DLGAP2: variants seen among roughly 807,000 people sequenced by gnomAD.
DLGAP2 encodes DLG associated protein 2.
DLGAP2 carries 26 observed loss-of-function variants against 100.3 expected under a neutral mutation model. That is an observed-to-expected ratio of 0.26 (90% CI 0.19 to 0.36). DLGAP2 has a LOEUF of 0.36. DLGAP2 is among the 10% of genes least tolerant of loss of function. DLGAP2 has a pLI of 1.00. For missense variants in DLGAP2, 1,858 were observed against 1,453.2 expected (o/e 1.28, Z -4.53); for synonymous variants, 886 against 630.1 (o/e 1.41, Z -6.08).
intron 8 of DLGAP2, among the ~76,000 whole-genome samples, chr8:1,667,508 C>T (rs1425787239): frequency 6.6e-6 from 1 of 152,142 alleles, no homozygotes; most frequent in Non-Finnish European, 1.5e-5. Context: ...CCTATGGAGC[C>T]TGTACTTATA....
intron 6 of DLGAP2, among the ~76,000 whole-genome samples, chr8:1,589,001 G>A (rs990160842): frequency 6.6e-6 from 1 of 152,114 alleles, no homozygotes; most frequent in Non-Finnish European, 1.5e-5. Context: ...TTCACATTCA[G>A]GTATTTGAGC....
chr8:1,167,456 G>C (rs1000060289), intron 2 of DLGAP2, among the ~76,000 whole-genome samples: 2 of 152,156 alleles, frequency 1.3e-5, no homozygotes, highest in Non-Finnish European at 2.9e-5. Flanking sequence ...CAGAGTTTCA[G>C]GGTTTTATGC....
chr8:988,403 C>CT (rs1800549127), intron 2 of DLGAP2, among the ~76,000 whole-genome samples: 1 of 152,190 alleles, frequency 6.6e-6, no homozygotes, highest in African/African-American at 2.4e-5. Context: ...AACACTCAGC[C>CT]TTAAATTCTC....
chr8:1,572,672 G>A (rs1462758457), intron 6 of DLGAP2, among the ~76,000 whole-genome samples: 2 of 120,320 alleles, frequency 1.7e-5, no homozygotes, highest in Non-Finnish European at 3.5e-5. Context: ...GCATCTTCTG[G>A]GATGGAGAGG....
At chr8:948,252 G>T (rs1000267361) in intron 2 of DLGAP2, among the ~76,000 whole-genome samples, 11 of 152,232 alleles carry the variant, frequency 7.2e-5, no homozygotes, top group Non-Finnish European at 1.6e-4. Context: ...CTACGGCCCT[G>T]TGTGGAGGAC....
chr8:1,633,603 G>A (rs1191093706), intron 8 of DLGAP2, among the ~76,000 whole-genome samples: 4 of 152,224 alleles, frequency 2.6e-5, no homozygotes, highest in African/African-American at 7.2e-5. Flanking sequence ...AAAATTTACC[G>A]CCCAACCTAA....
intron 3 of DLGAP2, among the ~76,000 whole-genome samples, chr8:1,294,224 C>G (rs1388848339): frequency 1.3e-5 from 2 of 152,192 alleles, no homozygotes; most frequent in Admixed American, 6.5e-5. Context: ...GCCAGTCATT[C>G]AGGTTACAGG....
intron 3 of DLGAP2, among the ~76,000 whole-genome samples, chr8:1,495,389 C>T (rs1396697408): frequency 6.6e-6 from 1 of 152,240 alleles, no homozygotes; most frequent in Non-Finnish European, 1.5e-5. Flanking sequence ...CCCGGCCACA[C>T]ACCCCAGGGC....
At chr8:1,576,427 G>A (rs866123908) in intron 6 of DLGAP2, among the ~76,000 whole-genome samples, 86 of 152,016 alleles carry the variant, frequency 5.7e-4, no homozygotes, top group Non-Finnish European at 1.1e-3. Context: ...TTGCCTGTTC[G>A]CTCTGATAGT....
chr8:1,086,565 A>AT (rs1162123289), intron 2 of DLGAP2, among the ~76,000 whole-genome samples: 1 of 152,218 alleles, frequency 6.6e-6, no homozygotes, highest in Non-Finnish European at 1.5e-5. Context: ...AGAGTGATGG[A>AT]AAAAGATATT....
chr8:1,630,009 A>G (rs2130776119), intron 7 of DLGAP2, among the ~76,000 whole-genome samples: 1 of 152,342 alleles, frequency 6.6e-6, no homozygotes, highest in East Asian at 1.9e-4. Flanking sequence ...TCATCATTGG[A>G]AACAATGGTT....
intron 4 of DLGAP2, among the ~76,000 whole-genome samples, chr8:1,545,611 C>A (rs1563212166): frequency 6.6e-6 from 1 of 152,192 alleles, no homozygotes; most frequent in African/African-American, 2.4e-5. Context: ...CCTAAAAAAC[C>A]CGGAGACCTA....
intron 8 of DLGAP2, among the ~76,000 whole-genome samples, chr8:1,653,593 G>A (rs574088662): frequency 3.3e-5 from 5 of 152,342 alleles, no homozygotes; most frequent in East Asian, 3.9e-4. Context: ...TGATGGGTCC[G>A]TCTCTCAGAT....
chr8:938,708 G>T (rs535515871), intron 2 of DLGAP2, among the ~76,000 whole-genome samples: 2 of 152,326 alleles, frequency 1.3e-5, no homozygotes, highest in South Asian at 2.1e-4. Context: ...CTCAGCTTGT[G>T]GGGGGCTGTG....
At chr8:1,194,113 G>A (rs1325520606) in intron 2 of DLGAP2, among the ~76,000 whole-genome samples, 1 of 152,014 alleles carries the variant, frequency 6.6e-6, no homozygotes, top group African/African-American at 2.4e-5. Flanking sequence ...TTGACGCTGT[G>A]GAAAATTAGA....
At chr8:1,003,278 C>T (rs926998936) in intron 2 of DLGAP2, 11 of 152,254 alleles carry the variant, frequency 7.2e-5, no homozygotes, top group Non-Finnish European at 1.5e-4. Flanking sequence ...TCCTGCATCC[C>T]ATCCCCCGCT....
chr8:969,169 G>C (rs752952386), intron 2 of DLGAP2, among the ~76,000 whole-genome samples: 2 of 152,150 alleles, frequency 1.3e-5, no homozygotes, highest in African/African-American at 2.4e-5. Flanking sequence ...TCCCCTCAAA[G>C]ACCTGACTAG....
intron 9 of DLGAP2, among the ~76,000 whole-genome samples, chr8:1,669,062 A>G (rs1160047281): frequency 2.6e-5 from 4 of 152,216 alleles, no homozygotes; most frequent in Non-Finnish European, 4.4e-5. Context: ...ATTTTTCAAA[A>G]GCTTTTCGGT....
chr8:1,423,364 C>T (rs967869678), intron 3 of DLGAP2, among the ~76,000 whole-genome samples: 4 of 152,156 alleles, frequency 2.6e-5, no homozygotes, highest in Non-Finnish European at 5.9e-5. Context: ...AGGACCACCC[C>T]AGGTTCTGTC....
Sources: allele counts gnomAD v4.1 joint callset (sites outside exome capture counted in the v4.1 genomes callset), GRCh38; gene constraint gnomAD v4.1.1; transcripts MANE v1.5; gene names NCBI Gene and HGNC (gene_info 2026-07-23, HGNC 2026-07-21).